The following KBTBD8 variants were observed in gnomAD, a reference collection of about 807,000 sequenced individuals.
KBTBD8 encodes the protein kelch repeat and BTB domain containing 8, also known as kelch repeat and BTB domain-containing protein 8.
A neutral mutation model predicts 53.5 loss-of-function variants in KBTBD8; 31 were observed. The observed-to-expected ratio is 0.58, with a 90% CI of 0.44 to 0.78. The LOEUF (loss-of-function observed/expected upper bound fraction) is 0.78, where lower values mean the gene tolerates loss of function less well. KBTBD8 is among the 30% of genes least tolerant of loss of function. The pLI is 0.00. For missense variants in KBTBD8, 642 were observed against 735.8 expected (o/e 0.87, Z 1.48); for synonymous variants, 250 against 247.3 (o/e 1.01, Z -0.10).
intron 3 of KBTBD8, 36 bp downstream of exon 3, chr3:67,004,345 G>T: frequency 6.3e-7 from 1 of 1,584,244 alleles, no homozygotes; most frequent in South Asian, 1.1e-5. Context: ...TCATGGAAGG[G>T]TAACACATCA....
chr3:67,003,780 C>G lies in KBTBD8; in HGVS notation c.813C>G (p.Ser271=). The change falls in exon 3 of 4, where the codon TCC becomes TCG. Residue 271 remains serine, a synonymous_variant. Coordinates refer to ENST00000417314, the MANE Select transcript of KBTBD8 (RefSeq NM_032505.3). ...IAKSCVEKGP[S]NTNGCTQRLG... is the part of the protein sequence containing the mutation. ...AAAGCTGTGTAGAAAAGGGACCATC[C>G]AACACCAATGGCTGTACACAGAGGC... 1 of 1,614,140 alleles carries G rather than the reference C, an allele frequency of 6.2e-7. No individual in the cohort carries two copies. The highest frequency in any genetic ancestry group is 8.5e-7 in the Non-Finnish European group (1 of 1,180,026).
In KBTBD8 at chr3:67,008,197, GCTACTCAAGTGACTGTTGAAGAACACGT is replaced by G. The variant is rs1437761348; in HGVS notation, c.1621_1648del (p.Thr541SerfsTer20). 6.2e-7 allele frequency: 1 copy of G among 1,613,962 alleles called. No homozygotes were observed. The highest frequency in any genetic ancestry group is 8.5e-7 in the Non-Finnish European group (1 of 1,180,028). On this transcript the variant is annotated frameshift_variant, in exon 4 of 4. Coordinates refer to ENST00000417314, the MANE Select transcript of KBTBD8 (RefSeq NM_032505.3). LOFTEE classifies it high-confidence loss of function. ...GAACAAACTCCATTTATTTGTTCGA[GCTACTCAAGTGACTGTTGAAGAACACGT>G]CTTCAGAACCAGCAGAAAAAATTCC...
At position 67,001,139 on chromosome 3, in the gene KBTBD8, G is replaced by A. The variant is rs111247379; in HGVS notation, c.227+1948G>A. On this transcript the variant is annotated intron_variant, in intron 2 of 3. Coordinates refer to ENST00000417314, the MANE Select transcript of KBTBD8 (RefSeq NM_032505.3). ...TACTTGAGAAATTTTCTGGGGATAC[G>A]ATATGTGCATTGAAATAAAGATATT... 1.8e-3 allele frequency among the ~76,000 whole-genome samples: 272 copies of A among 152,216 alleles called. 2 individuals are homozygous for A. The highest frequency in any genetic ancestry group is 6.0e-3 in the African/African-American group (251 of 41,534).
chr3:66,999,058 G>C lies in KBTBD8; in HGVS notation c.94G>C (p.Ala32Pro), dbSNP rs772668836. Residue 32 changes from alanine to proline, a missense_variant, in exon 2 of 4, where the codon GCT becomes CCT. Transcript: ENST00000417314. Reference protein sequence around the residue: ...PASDAMDPFHACSILKQLKTM... With the variant: ...PASDAMDPFHPCSILKQLKTM... ...CAGCGATGCCATGGACCCCTTCCATGCTTGCAGTATTCTTAAGCAACTCAA... is the reference window on the plus strand; with the variant it reads ...CAGCGATGCCATGGACCCCTTCCATCCTTGCAGTATTCTTAAGCAACTCAA... 16 of 1,614,200 alleles carry C rather than the reference G, an allele frequency of 9.9e-6. No individual in the cohort carries two copies. Among genetic ancestry groups the C allele is most frequent in the Non-Finnish European group, 1.4e-5 (16 of 1,180,028 alleles).
Position 67,004,198 on chromosome 3 carries a change from G to C in KBTBD8, c.1231G>C (p.Val411Leu). The C allele has an allele frequency of 6.2e-7, 1 of 1,614,170 alleles. No individual in the cohort carries two copies. The highest frequency in any genetic ancestry group is 8.5e-7 in the Non-Finnish European group (1 of 1,180,014). The change falls in exon 3 of 4, where the codon GTT becomes CTT. Residue 411 changes from valine (V) to leucine (L), a missense_variant. Transcript: ENST00000417314. The part of the protein sequence containing the change: ...EGDGRNSLKS[V>L]ECYDSRENCW... ...TGATGGGAGAAACTCACTAAAATCT[G>C]TTGAGTGCTACGACAGTAGAGAGAA...
chr3:67,001,753 C>G (rs1702020436), intron 2 of KBTBD8, among the ~76,000 whole-genome samples: 1 of 152,198 alleles, frequency 6.6e-6, no homozygotes, highest in African/African-American at 2.4e-5. Flanking sequence ...AAAAACAGGA[C>G]TCGAAGATGA....
intron 3 of KBTBD8, among the ~76,000 whole-genome samples, chr3:67,006,316 G>A (rs1441901026): frequency 6.6e-6 from 1 of 152,132 alleles, no homozygotes; most frequent in Admixed American, 6.5e-5. Flanking sequence ...TGAATTAATA[G>A]AATTTCAGGG....
intron 3 of KBTBD8, among the ~76,000 whole-genome samples, chr3:67,006,141 G>A (rs1432027244): frequency 2.0e-5 from 3 of 152,160 alleles, no homozygotes; most frequent in South Asian, 2.1e-4. Flanking sequence ...TGTATGATCC[G>A]TCCAGTATAC....
At position 67,008,183 on chromosome 3, in the gene KBTBD8, A is replaced by G; in HGVS notation, c.1604A>G (p.His535Arg). The part of the protein sequence containing the change: ...LKLVLFQNKL[H>R]LFVRATQVTV... ...CTGGTACTTTTCCAGAACAAACTCCATTTATTTGTTCGAGCTACTCAAGTG... is the reference window on the plus strand; with the variant it reads ...CTGGTACTTTTCCAGAACAAACTCCGTTTATTTGTTCGAGCTACTCAAGTG... The change falls in exon 4 of 4, where the codon CAT becomes CGT. Residue 535 changes from histidine (H) to arginine (R), a missense_variant. Transcript: ENST00000417314. 6.2e-7 allele frequency: 1 copy of G among 1,614,056 alleles called. No homozygotes were observed. The highest frequency in any genetic ancestry group is 8.5e-7 in the Non-Finnish European group (1 of 1,179,976).
chr3:67,003,918 A>G lies in KBTBD8; in HGVS notation c.951A>G (p.Leu317=), dbSNP rs1285386650. The G allele has an allele frequency of 6.2e-7, 1 of 1,614,184 alleles. No individual in the cohort carries two copies. The highest frequency in any genetic ancestry group is 1.3e-5 in the African/African-American group (1 of 75,066). The part of the protein sequence containing the change: ...LDIVTGRVFK[L]CKPPNDLREV... ...TAGTCACAGGAAGGGTGTTTAAACT[A>G]TGCAAACCACCAAATGACCTGAGAG... Residue 317 remains leucine, a synonymous_variant, in exon 3 of 4, where the codon CTA becomes CTG. Transcript: ENST00000417314.
At position 67,008,178 on chromosome 3, in the gene KBTBD8, A is replaced by T. The variant is rs779778192; in HGVS notation, c.1599A>T (p.Lys533Asn). 3 of 1,614,004 alleles carry T rather than the reference A, an allele frequency of 1.9e-6. No individual in the cohort carries two copies. The highest frequency in any genetic ancestry group is 1.7e-5 in the Admixed American group (1 of 59,978). ...PYLKLVLFQN[K>N]LHLFVRATQV... The stretch of plus-strand genomic sequence containing the variant: ...TTAAACTGGTACTTTTCCAGAACAA[A>T]CTCCATTTATTTGTTCGAGCTACTC... The change falls in exon 4 of 4, where the codon AAA becomes AAT. Residue 533 changes from lysine to asparagine, a missense_variant. Physicochemically the swap from Lys to Asn is moderately conservative, Grantham distance 94 (BLOSUM62 0). Coordinates refer to ENST00000417314, the MANE Select transcript of KBTBD8 (RefSeq NM_032505.3).
chr3:67,000,329 G>A (rs1258388892), intron 2 of KBTBD8, among the ~76,000 whole-genome samples: 2 of 152,180 alleles, frequency 1.3e-5, no homozygotes, highest in Admixed American at 1.3e-4. Context: ...AAGGTATGAA[G>A]TTTGGCCTGG....
intron 2 of KBTBD8, among the ~76,000 whole-genome samples, chr3:67,000,867 TAATA>T (rs1051011429): frequency 2.6e-4 from 40 of 152,068 alleles, no homozygotes; most frequent in African/African-American, 9.6e-4. Flanking sequence ...TAAGCATACA[TAATA>T]AATATGATAT....
chr3:67,007,162 A>G (rs1702069844), intron 3 of KBTBD8, among the ~76,000 whole-genome samples: 1 of 152,206 alleles, frequency 6.6e-6, no homozygotes, highest in South Asian at 2.1e-4. Context: ...CTAATTAAAT[A>G]GCATACACAT....
Position 67,003,705 on chromosome 3 carries a change from A to G in KBTBD8, c.738A>G (p.Glu246=). The part of the protein sequence containing the change: ...FAKCIRFPLM[E]DTFIEKIPPQ... ...AATGCATACGTTTTCCTCTGATGGA[A>G]GATACCTTTATAGAGAAAATTCCAC... Residue 246 remains glutamate (E), a synonymous_variant, in exon 3 of 4, where the codon GAA becomes GAG. Transcript: ENST00000417314. 6.2e-7 allele frequency: 1 copy of G among 1,614,154 alleles called. No homozygotes were observed. Among genetic ancestry groups the G allele is most frequent in the African/African-American group, 1.3e-5 (1 of 75,050 alleles).
chr3:67,003,810 A>G lies in KBTBD8; in HGVS notation c.843A>G (p.Gly281=), dbSNP rs1575579670. The stretch of plus-strand genomic sequence containing the variant: ...CCAATGGCTGTACACAGAGGCTTGG[A>G]ATGACTGCTTCTGAAATGATCATAT... ...SNTNGCTQRL[G]MTASEMIICF... The change falls in exon 3 of 4, where the codon GGA becomes GGG. Residue 281 remains glycine, a synonymous_variant. Transcript: ENST00000417314. The G allele has an allele frequency of 6.2e-7, 1 of 1,614,090 alleles. No individual in the cohort carries two copies. Among genetic ancestry groups the G allele is most frequent in the Admixed American group, 1.7e-5 (1 of 60,010 alleles).
At chr3:67,004,673 GT>G (rs1702048666) in intron 3 of KBTBD8, among the ~76,000 whole-genome samples, 1 of 152,174 alleles carries the variant, frequency 6.6e-6, no homozygotes, top group African/African-American at 2.4e-5. Context: ...TTACATGGCT[GT>G]TTTTGCTCTT....
Position 67,003,619 on chromosome 3 carries a change from A to G in KBTBD8, c.652A>G (p.Ile218Val). 1 of 1,614,126 alleles carries G rather than the reference A, an allele frequency of 6.2e-7. No individual in the cohort carries two copies. The highest frequency in any genetic ancestry group is 8.5e-7 in the Non-Finnish European group (1 of 1,179,986). Residue 218 changes from isoleucine to valine, a missense_variant, in exon 3 of 4, where the codon ATA (isoleucine) becomes GTA (valine). Ile to Val is a conservative substitution (Grantham distance 29, BLOSUM62 3). Coordinates refer to ENST00000417314, the MANE Select transcript of KBTBD8 (RefSeq NM_032505.3). ...DREEHVYESI[I>V]RWFEHEQNER... ...AGAAGAGCATGTTTATGAAAGCATT[A>G]TAAGGTGGTTTGAGCATGAACAGAA...
At chr3:67,002,624 T>A (rs1702027566) in intron 2 of KBTBD8, among the ~76,000 whole-genome samples, 1 of 144,190 alleles carries the variant, frequency 6.9e-6, no homozygotes, top group Admixed American at 7.5e-5. Context: ...TGCCTCAGCC[T>A]CCTGAGTAGC....
Sources: gnomAD v4.1 joint callset for allele counts (sites outside exome capture counted in the v4.1 genomes callset) on GRCh38, gnomAD v4.1.1 for gene constraint, MANE v1.5 for transcripts, NCBI Gene and HGNC (gene_info 2026-07-23, HGNC 2026-07-21) for gene names.